HNRNPR: variants seen among roughly 807,000 people sequenced by gnomAD.
HNRNPR encodes the protein heterogeneous nuclear ribonucleoprotein R.
A neutral mutation model predicts 70.3 loss-of-function variants in HNRNPR; 4 were observed. The observed-to-expected ratio is 0.06, with a 90% confidence interval of 0.03 to 0.13. The LOEUF (loss-of-function observed/expected upper bound fraction) is 0.13, where lower values mean the gene tolerates loss of function less well. HNRNPR is among the 10% of genes least tolerant of loss of function. The pLI is 1.00. For missense variants in HNRNPR, 423 were observed against 788.5 expected, an observed-to-expected ratio of 0.54 and a Z score of 5.55; for synonymous variants, 241 against 267.6, an observed-to-expected ratio of 0.90 and a Z score of 0.97.
chr1:23,332,445 G>A (rs1168579474), intron 5 of HNRNPR, among the ~76,000 whole-genome samples: 2 of 151,028 alleles, frequency 1.3e-5, no homozygotes, highest in African/African-American at 2.4e-5. Flanking sequence ...GCTCACGCCT[G>A]TAATCCCAGC....
At position 23,338,322 on chromosome 1, in the gene HNRNPR, T is replaced by C. The variant is rs79456859; in HGVS notation, c.276+168A>G. 3.5e-3 allele frequency: 1,508 copies of C among 428,746 alleles called. 39 individuals are homozygous for C. In the East Asian group the frequency reaches 0.047, roughly 13 times the overall value. The allele number at this position is 428,746 out of a possible 1,614,324, so 26.6% of individuals were successfully genotyped here. On this transcript the variant is annotated intron_variant, in intron 3 of 10. Coordinates refer to ENST00000302271, the MANE Select transcript of HNRNPR (RefSeq NM_005826.5). The stretch of plus-strand genomic sequence containing the variant: ...GTGGGAGAAAACTTTTGCTTTATAC[T>C]TGGGCTTCTGAAACTCTGCCACAAG...
intron 5 of HNRNPR, among the ~76,000 whole-genome samples, chr1:23,331,354 G>A (rs1646213334): frequency 6.8e-6 from 1 of 146,398 alleles, no homozygotes; most frequent in Non-Finnish European, 1.5e-5. Flanking sequence ...TTCAGCCCAT[G>A]AGTTGGAGAC....
At chr1:23,343,761 G>A (rs1269607138) in intron 1 of HNRNPR, among the ~76,000 whole-genome samples, 3 of 151,090 alleles carry the variant, frequency 2.0e-5, no homozygotes, top group Admixed American at 1.3e-4. Flanking sequence ...CCCGCCTTCC[G>A]CCCCCCACCC....
At chr1:23,321,739 A>C in intron 6 of HNRNPR, 76 bp from the exon 7 acceptor site, 1 of 1,470,878 alleles carries the variant, frequency 6.8e-7, no homozygotes, top group Non-Finnish European at 9.2e-7. Flanking sequence ...AAAAAATTCA[A>C]CAATTTAAGG....
intron 7 of HNRNPR, among the ~76,000 whole-genome samples, chr1:23,320,565 A>C (rs1307853697): frequency 6.6e-6 from 1 of 152,210 alleles, no homozygotes; most frequent in Non-Finnish European, 1.5e-5. Flanking sequence ...GGCTGAAACC[A>C]CAAGAGCAAC....
chr1:23,334,914 G>GT (rs1403011442), intron 4 of HNRNPR, among the ~76,000 whole-genome samples: 3 of 151,504 alleles, frequency 2.0e-5, no homozygotes, highest in Non-Finnish European at 4.4e-5. Context: ...TTACACTTCA[G>GT]TTTTTTTGGT....
chr1:23,336,043 G>A (rs1409190756), intron 4 of HNRNPR, among the ~76,000 whole-genome samples: 53 of 139,018 alleles, frequency 3.8e-4, no homozygotes, highest in Middle Eastern at 4.5e-3. Context: ...CGTGAACCCG[G>A]GAGGCGGAGC....
At position 23,312,771 on chromosome 1, in the gene HNRNPR, C is replaced by G. The variant is rs867915525; in HGVS notation, c.1167+782G>C. Among the ~76,000 whole-genome samples, 10 of 152,208 alleles carry G rather than the reference C, an allele frequency of 6.6e-5. No individual in the cohort carries two copies. The South Asian group carries it at 2.1e-3, about 32-fold the overall frequency. Reference sequence around the variant, plus strand: ...GGCAGTATCCCACCGACCAAACATGCAGAAAAAGAACCATGCCTGTGTCAC... The same window carrying G: ...GGCAGTATCCCACCGACCAAACATGGAGAAAAAGAACCATGCCTGTGTCAC... On this transcript the variant is annotated intron_variant, in intron 9 of 10. Coordinates refer to ENST00000302271, the MANE Select transcript of HNRNPR (RefSeq NM_005826.5).
At chr1:23,335,925 G>A (rs572554609) in intron 4 of HNRNPR, among the ~76,000 whole-genome samples, 217 of 148,288 alleles carry the variant, frequency 1.5e-3, no homozygotes, top group Non-Finnish European at 2.8e-3. Context: ...AGACCATCCC[G>A]GCTAAAATGG....
chr1:23,334,405 T>A (rs1054558089), intron 4 of HNRNPR, among the ~76,000 whole-genome samples: 71 of 151,800 alleles, frequency 4.7e-4, no homozygotes, highest in Non-Finnish European at 8.7e-4. Flanking sequence ...CCCGGCTAAT[T>A]TTTTGTATTT....
At chr1:23,334,463 C>G (rs1397606558) in intron 4 of HNRNPR, among the ~76,000 whole-genome samples, 2 of 151,328 alleles carry the variant, frequency 1.3e-5, no homozygotes, top group Non-Finnish European at 2.9e-5. Flanking sequence ...GTCTCAATCT[C>G]CTGATCTCGT....
At chr1:23,312,182 G>A (rs1336446731) in intron 9 of HNRNPR, among the ~76,000 whole-genome samples, 1 of 152,110 alleles carries the variant, frequency 6.6e-6, no homozygotes, top group African/African-American at 2.4e-5. Flanking sequence ...AGACAAAAAC[G>A]AAACTAGTCC....
intron 2 of HNRNPR, among the ~76,000 whole-genome samples, chr1:23,340,426 A>T (rs1200397451): frequency 6.6e-6 from 1 of 152,174 alleles, no homozygotes; most frequent in Non-Finnish European, 1.5e-5. Context: ...GACATTTATT[A>T]TGGTTTCAGA....
intron 5 of HNRNPR, 75 bp downstream of exon 5, chr1:23,333,443 T>C (rs1216878844): frequency 1.2e-6 from 1 of 840,812 alleles, no homozygotes; most frequent in Non-Finnish European, 2.0e-6. Flanking sequence ...TTCCCCCGTC[T>C]GTACAGTATC....
intron 4 of HNRNPR, among the ~76,000 whole-genome samples, chr1:23,334,748 A>G (rs1646393856): frequency 6.6e-6 from 1 of 152,344 alleles, no homozygotes; most frequent in African/African-American, 2.4e-5. Context: ...CCTTCCTTAC[A>G]TTCTATTAGG....
chr1:23,337,433 G>A (rs753810305), intron 4 of HNRNPR, among the ~76,000 whole-genome samples: 7 of 152,180 alleles, frequency 4.6e-5, no homozygotes, highest in East Asian at 1.9e-4. Context: ...CGAGGTGGGC[G>A]GATCACAAGG....
At chr1:23,315,875 A>G (rs932857640) in intron 8 of HNRNPR, among the ~76,000 whole-genome samples, 1 of 152,182 alleles carries the variant, frequency 6.6e-6, no homozygotes, top group East Asian at 1.9e-4. Flanking sequence ...TCCAGCCTCT[A>G]TGTTACACAG....
At chr1:23,342,228 C>T (rs1057151690) in intron 1 of HNRNPR, among the ~76,000 whole-genome samples, 1 of 152,166 alleles carries the variant, frequency 6.6e-6, no homozygotes, top group African/African-American at 2.4e-5. Context: ...TGCAAATGCA[C>T]CAGGTGCAGT....
At chr1:23,340,735 C>T in intron 2 of HNRNPR, 117 bp downstream of exon 2, 1 of 812,430 alleles carries the variant, frequency 1.2e-6, no homozygotes, top group Middle Eastern at 2.4e-4. Context: ...AAGTAACAAA[C>T]ATTCAGCTCT....
Sources: allele counts gnomAD v4.1 joint callset (sites outside exome capture counted in the v4.1 genomes callset), GRCh38; gene constraint gnomAD v4.1.1; transcripts MANE v1.5; gene names NCBI Gene and HGNC (gene_info 2026-07-23, HGNC 2026-07-21).